The following KCNJ6 variants were observed in gnomAD, a reference collection of about 807,000 sequenced individuals.
KCNJ6 encodes the protein potassium inwardly rectifying channel subfamily J member 6, also known as G protein-activated inward rectifier potassium channel 2.
Under a neutral mutation model 34.2 loss-of-function variants are expected in KCNJ6, and 9 were observed. The ratio of observed to expected loss-of-function variants is 0.26; its 90% CI spans 0.16 to 0.46. KCNJ6 has a LOEUF of 0.46. Among genes scored for constraint, KCNJ6 ranks in the 20% least tolerant of loss-of-function variants. The pLI, the probability that KCNJ6 is intolerant of heterozygous loss-of-function variation, is 1.00. For missense variants in KCNJ6, 236 were observed against 531.3 expected (o/e 0.44, Z 5.46); for synonymous variants, 196 against 207.1 (o/e 0.95, Z 0.46).
Position 37,645,531 on chromosome 21 carries a change from G to C in KCNJ6, c.947-20047C>G, listed in dbSNP as rs541161312. ...GAAGGCAGTCTTAAATTGAAATAGT[G>C]GGCAAATTTGGAAAAGTAAATGTAG... On this transcript the variant is annotated intron_variant, in intron 3 of 3. Transcript: ENST00000609713. Among the ~76,000 whole-genome samples the C allele has an allele frequency of 2.0e-5, 3 of 152,224 alleles. No homozygotes were observed. In the East Asian group the frequency reaches 5.8e-4, roughly 29 times the overall value.
At chr21:37,841,396 T>C (rs974330823) in intron 1 of KCNJ6, among the ~76,000 whole-genome samples, 1 of 152,246 alleles carries the variant, frequency 6.6e-6, no homozygotes, top group African/African-American at 2.4e-5. Flanking sequence ...CACAGTTCTT[T>C]GGGTTTAATT....
intron 1 of KCNJ6, among the ~76,000 whole-genome samples, chr21:37,853,126 G>A (rs2055545538): frequency 6.7e-6 from 1 of 150,356 alleles, no homozygotes; most frequent in South Asian, 2.1e-4. Context: ...AGGGAATAAT[G>A]GCTGCAATTT....
At chr21:37,829,387 A>G (rs1200344495) in intron 2 of KCNJ6, among the ~76,000 whole-genome samples, 1 of 152,152 alleles carries the variant, frequency 6.6e-6, no homozygotes, top group African/African-American at 2.4e-5. Context: ...GGTGCCTTTC[A>G]TGTTCCCTCT....
chr21:37,769,411 T>C (rs1027577856), intron 2 of KCNJ6, among the ~76,000 whole-genome samples: 3 of 93,044 alleles, frequency 3.2e-5, no homozygotes, highest in African/African-American at 4.9e-5. Flanking sequence ...TAGCCTTCAA[T>C]TTTATTATTA....
Position 37,614,572 on chromosome 21 carries a change from A to G in KCNJ6, c.*10587T>C, listed in dbSNP as rs1416832579. ...TGTGTGTGTATGCGTGTGTGTATGC[A>G]TGTGTCTCTGTATGCATGTGTGTGT... On this transcript the variant is annotated 3_prime_UTR_variant, in exon 4 of 4. Coordinates refer to ENST00000609713, the MANE Select transcript of KCNJ6 (RefSeq NM_002240.5). 9.5e-6 allele frequency: 1 copy of G among 105,668 alleles called. No homozygotes were observed. Among genetic ancestry groups the G allele is most frequent in the Non-Finnish European group, 1.9e-5 (1 of 51,922 alleles). The allele number at this position is 105,668 out of a possible 1,614,324, so 6.5% of individuals were successfully genotyped here.
chr21:37,865,306 C>A (rs567075043), intron 1 of KCNJ6, among the ~76,000 whole-genome samples: 1 of 152,286 alleles, frequency 6.6e-6, no homozygotes, highest in East Asian at 1.9e-4. Context: ...ACAGAAGTTA[C>A]CATTATACAG....
chr21:37,873,714 A>G (rs1312002997), intron 1 of KCNJ6, among the ~76,000 whole-genome samples: 1 of 152,144 alleles, frequency 6.6e-6, no homozygotes, highest in East Asian at 1.9e-4. Flanking sequence ...TTAAACCTCC[A>G]GCATCTTCTC....
chr21:37,735,780 C>T (rs1004602602), intron 2 of KCNJ6, among the ~76,000 whole-genome samples: 2 of 152,204 alleles, frequency 1.3e-5, no homozygotes, highest in Non-Finnish European at 2.9e-5. Flanking sequence ...GAAGGCACAG[C>T]TCCCACCTCT....
intron 2 of KCNJ6, among the ~76,000 whole-genome samples, chr21:37,840,270 C>T (rs1046754897): frequency 1.3e-5 from 2 of 152,234 alleles, no homozygotes; most frequent in Non-Finnish European, 2.9e-5. Flanking sequence ...CAATGATTTA[C>T]CATTCTTTCC....
chr21:37,871,366 T>C (rs1336051404), intron 1 of KCNJ6, among the ~76,000 whole-genome samples: 5 of 152,170 alleles, frequency 3.3e-5, no homozygotes. Flanking sequence ...AACCAAAACC[T>C]GGACTTCGTG....
intron 2 of KCNJ6, among the ~76,000 whole-genome samples, chr21:37,820,019 C>G (rs2055366486): frequency 6.6e-6 from 1 of 151,962 alleles, no homozygotes; most frequent in Non-Finnish European, 1.5e-5. Context: ...AACTCCTGAG[C>G]TCAGGTGATC....
intron 2 of KCNJ6, among the ~76,000 whole-genome samples, chr21:37,765,527 C>T (rs1039866758): frequency 3.3e-5 from 5 of 152,140 alleles, no homozygotes; most frequent in African/African-American, 1.2e-4. Flanking sequence ...CCCTTTGCCT[C>T]CCAGCCCCAG....
rs934201477 is a variant in KCNJ6 at position 37,675,339 on chromosome 21, C to T, written c.946+38872G>A. ...AATCAAGTTGGCGGGGATTTTTCCG[C>T]GAGTGGCTGCATTGGCTTTAAGAAA... On this transcript the variant is annotated intron_variant, in intron 3 of 3. Transcript: ENST00000609713. This position sits in a 1 kb window ranked among gnomAD's most constrained non-coding sequence, Gnocchi z 4.2. Among the ~76,000 whole-genome samples the T allele has an allele frequency of 6.6e-6, 1 of 152,228 alleles. No homozygotes were observed. The highest frequency in any genetic ancestry group is 1.9e-4 in the East Asian group (1 of 5,194).
intron 1 of KCNJ6, among the ~76,000 whole-genome samples, chr21:37,879,997 C>T (rs1009742888): frequency 6.6e-6 from 1 of 151,488 alleles, no homozygotes; most frequent in Non-Finnish European, 1.5e-5. Flanking sequence ...TGGTGGCTCA[C>T]ACTGTAATCC....
chr21:37,778,696 C>T (rs59434413), intron 2 of KCNJ6, among the ~76,000 whole-genome samples: 3,255 of 146,266 alleles, frequency 0.022, 128 homozygotes, highest in African/African-American at 0.079. Flanking sequence ...GTGCTGTGTG[C>T]GTGTGTGTGT....
intron 2 of KCNJ6, among the ~76,000 whole-genome samples, chr21:37,718,302 G>A (rs1486730325): frequency 6.6e-6 from 1 of 152,188 alleles, no homozygotes; most frequent in Non-Finnish European, 1.5e-5. Context: ...AGCAATGATT[G>A]TGTTTGACCC....
chr21:37,657,029 G>A (rs1449524624), intron 3 of KCNJ6, among the ~76,000 whole-genome samples: 1 of 152,172 alleles, frequency 6.6e-6, no homozygotes, highest in African/African-American at 2.4e-5. Flanking sequence ...GTTGCTTCTT[G>A]GAGAGGAGGG....
At chr21:37,901,113 G>A (rs1249817831) in intron 1 of KCNJ6, among the ~76,000 whole-genome samples, 1 of 152,000 alleles carries the variant, frequency 6.6e-6, no homozygotes, top group African/African-American at 2.4e-5. Context: ...AAACAAATAA[G>A]AAAGGCTCAG....
chr21:37,818,812 A>T (rs574962849), intron 2 of KCNJ6, among the ~76,000 whole-genome samples: 1 of 152,310 alleles, frequency 6.6e-6, no homozygotes, highest in South Asian at 2.1e-4. Context: ...ATGGATATTA[A>T]GGTTCTAAAC....
Sources: allele counts gnomAD v4.1 joint callset (sites outside exome capture counted in the v4.1 genomes callset), GRCh38; gene constraint gnomAD v4.1.1; non-coding constraint Gnocchi (gnomAD v3.1); transcripts MANE v1.5; gene names NCBI Gene and HGNC (gene_info 2026-07-23, HGNC 2026-07-21).